Variants in DCP1B observed in about 807,000 individuals in gnomAD.
DCP1B encodes the protein mRNA-decapping enzyme 1B.
In DCP1B, 47 loss-of-function variants were observed where a neutral mutation model predicts 60.5. The observed-to-expected ratio is 0.78, with a 90% CI of 0.61 to 0.99. The LOEUF (loss-of-function observed/expected upper bound fraction) is 0.99, where lower values mean the gene tolerates loss of function less well. Ranked by LOEUF, DCP1B falls within the 50% of genes least tolerant of loss-of-function variation. DCP1B has a pLI of 0.00. For synonymous variants in DCP1B, 267 were observed against 280.3 expected (o/e 0.95, Z 0.47); for missense variants, 725 against 756.8 (o/e 0.96, Z 0.49).
At chr12:2,002,007 G>A (rs1305780743) in intron 1 of DCP1B, among the ~76,000 whole-genome samples, 1 of 152,208 alleles carries the variant, frequency 6.6e-6, no homozygotes, top group Admixed American at 6.5e-5. Context: ...TATTTTGGAG[G>A]CGGGGGGCAG....
intron 5 of DCP1B, among the ~76,000 whole-genome samples, chr12:1,960,966 T>A (rs897403323): frequency 2.6e-5 from 4 of 152,234 alleles, no homozygotes; most frequent in African/African-American, 9.6e-5. Flanking sequence ...TTCTGAAATA[T>A]CTGTGTGTGA....
intron 5 of DCP1B, among the ~76,000 whole-genome samples, chr12:1,956,506 G>A (rs2030890710): frequency 6.6e-6 from 1 of 152,232 alleles, no homozygotes; most frequent in African/African-American, 2.4e-5. Context: ...CCAACGATCT[G>A]GGGGTGTGGC....
Position 1,969,572 on chromosome 12 carries a change from G to T in DCP1B, c.320-1662C>A, listed in dbSNP as rs542684340. 6.9e-5 allele frequency among the ~76,000 whole-genome samples: 9 copies of T among 129,786 alleles called. 1 individual carries two copies. Among genetic ancestry groups the T allele is most frequent in the African/African-American group, 2.4e-4 (8 of 33,790 alleles). 85.1% of individuals were successfully genotyped at this position (129,786 alleles called of 152,430 possible). A position where few individuals can be genotyped will look rare whatever the true frequency, so the allele number is the denominator to read the frequency against. On this transcript the variant is annotated intron_variant, in intron 3 of 8. Coordinates refer to ENST00000280665, the MANE Select transcript of DCP1B (RefSeq NM_152640.5). ...TTTTTTTTTTTTTTTTTTTAAGAACGTCTGAGTTCTGAAGCCCATGTGCTA... is the reference window on the plus strand; with the variant it reads ...TTTTTTTTTTTTTTTTTTTAAGAACTTCTGAGTTCTGAAGCCCATGTGCTA...
chr12:1,945,200 G>A (rs1352414264), downstream of DCP1B, among the ~76,000 whole-genome samples: 1 of 152,192 alleles, frequency 6.6e-6, no homozygotes, highest in Non-Finnish European at 1.5e-5. Context: ...CTGGTCATTA[G>A]AGAAATGCAA....
intron 3 of DCP1B, among the ~76,000 whole-genome samples, chr12:1,983,120 GTCT>G (rs1305832945): frequency 2.0e-5 from 3 of 148,782 alleles, no homozygotes; most frequent in African/African-American, 4.9e-5. Context: ...GCTAATTTGT[GTCT>G]TCTTTTTTTT....
intron 1 of DCP1B, 166 bp downstream of exon 1, chr12:2,004,116 A>G (rs572895980): frequency 4.8e-5 from 46 of 965,678 alleles, no homozygotes; most frequent in Non-Finnish European, 6.8e-5. Context: ...CCTTCCCCCA[A>G]ACCCCCGAGA....
intron 3 of DCP1B, among the ~76,000 whole-genome samples, chr12:1,973,079 A>C (rs1392738437): frequency 6.6e-6 from 1 of 152,198 alleles, no homozygotes. Context: ...CCTTTAAAGT[A>C]ATGTTCTTCC....
At chr12:1,946,581 C>T (rs1480961971) in intron 8 of DCP1B, among the ~76,000 whole-genome samples, 1 of 152,230 alleles carries the variant, frequency 6.6e-6, no homozygotes, top group African/African-American at 2.4e-5. Context: ...CAAGAACAGC[C>T]TGGGTCTGCT....
intron 5 of DCP1B, among the ~76,000 whole-genome samples, chr12:1,964,097 TATA>T (rs1384711074): frequency 6.6e-6 from 1 of 152,194 alleles, no homozygotes; most frequent in Non-Finnish European, 1.5e-5. Flanking sequence ...GAATGAAGTT[TATA>T]ATGTCTTGCA....
intron 1 of DCP1B, among the ~76,000 whole-genome samples, chr12:2,002,630 C>T (rs989187243): frequency 6.6e-6 from 1 of 152,158 alleles, no homozygotes; most frequent in African/African-American, 2.4e-5. Flanking sequence ...AAGAGAAATG[C>T]TCTACTCTCT....
At chr12:1,964,747 C>T (rs2031237322) in intron 5 of DCP1B, among the ~76,000 whole-genome samples, 1 of 152,188 alleles carries the variant, frequency 6.6e-6, no homozygotes, top group South Asian at 2.1e-4. Flanking sequence ...TGGATTTAAT[C>T]CTAGACTTAG....
chr12:1,973,379 GTTA>G (rs762043099), intron 3 of DCP1B, among the ~76,000 whole-genome samples: 1 of 152,044 alleles, frequency 6.6e-6, no homozygotes, highest in Non-Finnish European at 1.5e-5. Context: ...ATAAATTAAT[GTTA>G]TTAGAAAGTT....
rs964651102 is a variant in DCP1B at position 1,956,169 on chromosome 12, G to C, written c.523-609C>G. On this transcript the variant is annotated intron_variant, in intron 5 of 8. Transcript: ENST00000280665. ...GAATTTTGTAGAGAAAGAGACAAGA[G>C]ACAAATCTCATCATTTCCAACACTG... Among the ~76,000 whole-genome samples the C allele has an allele frequency of 5.3e-5, 8 of 152,194 alleles. 1 individual carries two copies. The highest frequency in any genetic ancestry group is 5.2e-4 in the Admixed American group (8 of 15,278).
At position 1,969,014 on chromosome 12, in the gene DCP1B, T is replaced by C. The variant is rs1003349034; in HGVS notation, c.320-1104A>G. Among the ~76,000 whole-genome samples, 9 of 152,304 alleles carry C rather than the reference T, an allele frequency of 5.9e-5. No individual in the cohort carries two copies. In the East Asian group the frequency reaches 1.5e-3, roughly 26 times the overall value. ...GATCTGATGGCATTAATCATCTAAG[T>C]AATGCATTAACTACACACACATTTA... is the stretch of plus-strand genomic sequence containing the variant. On this transcript the variant is annotated intron_variant, in intron 3 of 8. Coordinates refer to ENST00000280665, the MANE Select transcript of DCP1B (RefSeq NM_152640.5).
intron 3 of DCP1B, among the ~76,000 whole-genome samples, chr12:1,982,994 T>G (rs1284029440): frequency 6.6e-6 from 1 of 152,084 alleles, no homozygotes; most frequent in Non-Finnish European, 1.5e-5. Flanking sequence ...TTGAGTTAAT[T>G]CTGATGATTT....
At chr12:1,997,788 T>C in intron 2 of DCP1B, 147 bp downstream of exon 2, 1 of 675,906 alleles carries the variant, frequency 1.5e-6, no homozygotes, top group Middle Eastern at 3.9e-4. Context: ...ATTCCCTTCT[T>C]CGTGTCAACT....
At chr12:1,945,495 C>T (rs1360548271), downstream of DCP1B, among the ~76,000 whole-genome samples, 2 of 152,160 alleles carry the variant, frequency 1.3e-5, no homozygotes, top group Non-Finnish European at 2.9e-5. Flanking sequence ...AGGATTATAA[C>T]TCTACTTATT....
At chr12:1,961,889 TG>T (rs1258736648) in intron 5 of DCP1B, among the ~76,000 whole-genome samples, 1 of 152,108 alleles carries the variant, frequency 6.6e-6, no homozygotes, top group African/African-American at 2.4e-5. Context: ...AGACAGAGAA[TG>T]TGTGTGCTTG....
chr12:1,998,506 T>G (rs1289654705), intron 1 of DCP1B, among the ~76,000 whole-genome samples: 1 of 152,230 alleles, frequency 6.6e-6, no homozygotes, highest in African/African-American at 2.4e-5. Flanking sequence ...AGTTCTCAGA[T>G]GAATCAATCA....
Sources: gnomAD v4.1 joint callset for allele counts (sites outside exome capture counted in the v4.1 genomes callset) on GRCh38, gnomAD v4.1.1 for gene constraint, MANE v1.5 for transcripts, NCBI Gene and HGNC (gene_info 2026-07-23, HGNC 2026-07-21) for gene names.